NHSL2: variants seen among roughly 807,000 people sequenced by gnomAD.
NHSL2 encodes the protein NHS-like protein 2.
In NHSL2, 27 loss-of-function variants were observed where a neutral mutation model predicts 53.4. The ratio of observed to expected loss-of-function variants is 0.51; its 90% CI spans 0.37 to 0.70. NHSL2 has a LOEUF of 0.70. NHSL2 is among the 30% of genes least tolerant of loss of function. The pLI, the probability that NHSL2 is intolerant of heterozygous loss-of-function variation, is 0.00. For missense variants in NHSL2, 892 were observed against 980.1 expected (o/e 0.91, Z 1.20); for synonymous variants, 408 against 404.1 (o/e 1.01, Z -0.12).
chrX:72,001,400 T>G (rs930588854), intron 1 of NHSL2, among the ~76,000 whole-genome samples: 1 of 111,424 alleles, frequency 9.0e-6, no homozygotes, highest in African/African-American at 3.3e-5. Flanking sequence ...TCTCATAGAC[T>G]TTTACATTGC....
At chrX:71,947,716 G>C (rs6625921) in intron 1 of NHSL2, among the ~76,000 whole-genome samples, 4,661 of 112,164 alleles carry the variant, frequency 0.042, 164 homozygotes, top group East Asian at 0.28. Flanking sequence ...TGAGGATATG[G>C]AACACACTGT....
In NHSL2 at chrX:72,012,580, G is replaced by A. The variant is rs186897998; in HGVS notation, c.280+101213G>A. 1.3e-4 allele frequency among the ~76,000 whole-genome samples: 15 copies of A among 112,472 alleles called. No homozygotes were observed. The East Asian group carries it at 3.1e-3, about 23-fold the overall frequency. Reference sequence around the variant, plus strand: ...CTGTGTGTCCGTCTTATAAGGATACGTGTCATTAGATTTAGGACTCACTTG... The same window carrying A: ...CTGTGTGTCCGTCTTATAAGGATACATGTCATTAGATTTAGGACTCACTTG... On this transcript the variant is annotated intron_variant, in intron 1 of 7. Coordinates refer to ENST00000633930, the MANE Select transcript of NHSL2 (RefSeq NM_001013627.3).
At position 72,147,978 on chromosome X, in the gene NHSL2, T is replaced by G. The variant is rs2042476831; in HGVS notation, c.*4404T>G. On this transcript the variant is annotated 3_prime_UTR_variant, in exon 8 of 8. Transcript: ENST00000633930. ...TGGAAAGGCCAAATTCCCTGACGCC[T>G]AACTCCAGAATATAGAAAATATCTT... 8.9e-6 allele frequency: 1 copy of G among 111,963 alleles called. No individual in the cohort carries two copies. 9.2% of individuals were successfully genotyped at this position (111,963 alleles called of 1,213,427 possible).
At chrX:72,104,358 G>A (rs1017003074) in intron 1 of NHSL2, among the ~76,000 whole-genome samples, 1 of 112,397 alleles carries the variant, frequency 8.9e-6, no homozygotes, top group African/African-American at 3.2e-5. Context: ...GTAATCCTAT[G>A]TATTTTATTT....
intron 1 of NHSL2, among the ~76,000 whole-genome samples, chrX:72,055,873 A>G (rs140040867): frequency 0.024 from 2,677 of 112,830 alleles, 89 homozygotes; most frequent in African/African-American, 0.082. Flanking sequence ...TCACCTTTTT[A>G]GTCCTATCAC....
Position 72,140,151 on chromosome X carries a change from A to T in NHSL2, c.2603A>T (p.Lys868Ile). The T allele has an allele frequency of 8.3e-7, 1 of 1,210,790 alleles. No homozygotes were observed. Among genetic ancestry groups the T allele is most frequent in the Non-Finnish European group, 1.1e-6 (1 of 895,078 alleles). Residue 868 changes from lysine to isoleucine, a missense_variant, in exon 6 of 8, where the codon AAA becomes ATA. Coordinates refer to ENST00000633930, the MANE Select transcript of NHSL2 (RefSeq NM_001013627.3). ...TTCACCTTGCCAGAGAGAAAGACAA[A>T]ACCTCCCGTAGCTGAGAAGCCTCCG... is the stretch of plus-strand genomic sequence containing the variant. ...EVFTLPERKT[K>I]PPVAEKPPVA...
intron 1 of NHSL2, among the ~76,000 whole-genome samples, chrX:72,084,988 AGTGAT>A (rs759157118): frequency 1.7e-4 from 19 of 112,344 alleles, no homozygotes; most frequent in African/African-American, 5.5e-4. Flanking sequence ...CAGTGCAGTA[AGTGAT>A]GTGATGTGTA....
At chrX:71,959,763 G>T (rs2041859355) in intron 1 of NHSL2, among the ~76,000 whole-genome samples, 1 of 111,797 alleles carries the variant, frequency 8.9e-6, no homozygotes, top group South Asian at 3.7e-4. Flanking sequence ...TTAACATACG[G>T]TTTTTTGAGA....
chrX:72,135,723 T>A (rs769346033), intron 4 of NHSL2, among the ~76,000 whole-genome samples: 1 of 112,168 alleles, frequency 8.9e-6, no homozygotes, highest in African/African-American at 3.2e-5. Context: ...AGAAGTGATG[T>A]TGAACATTTT....
At chrX:72,108,435 T>C (rs2042063654) in intron 1 of NHSL2, among the ~76,000 whole-genome samples, 1 of 112,686 alleles carries the variant, frequency 8.9e-6, no homozygotes, top group Non-Finnish European at 1.9e-5. Flanking sequence ...TACGTCATTT[T>C]ACAGATGAGG....
chrX:72,031,737 A>G (rs80134541), intron 1 of NHSL2, among the ~76,000 whole-genome samples: 1 of 96,367 alleles, frequency 1.0e-5, no homozygotes, highest in South Asian at 4.6e-4. Context: ...CCTCGCTTGG[A>G]AAAAAAAAAA....
At chrX:72,105,924 A>G (rs1186587798) in intron 1 of NHSL2, among the ~76,000 whole-genome samples, 1 of 112,436 alleles carries the variant, frequency 8.9e-6, no homozygotes, top group Admixed American at 9.4e-5. Flanking sequence ...ACTTGAATCC[A>G]TGAGGCCGGG....
intron 1 of NHSL2, among the ~76,000 whole-genome samples, chrX:71,917,382 T>G (rs2041634008): frequency 9.2e-6 from 1 of 108,885 alleles, no homozygotes; most frequent in Non-Finnish European, 1.9e-5. Context: ...TCTTTATCTG[T>G]TTTCACTGTT....
intron 1 of NHSL2, among the ~76,000 whole-genome samples, chrX:71,954,424 G>A (rs1681670442): frequency 1.8e-5 from 2 of 112,347 alleles, no homozygotes; most frequent in African/African-American, 3.2e-5. Flanking sequence ...GTGCTGCTGC[G>A]CTGCTGTTTG....
intron 1 of NHSL2, among the ~76,000 whole-genome samples, chrX:71,960,921 T>C (rs1487518267): frequency 8.9e-6 from 1 of 112,194 alleles, no homozygotes; most frequent in Admixed American, 9.5e-5. Context: ...AAAAGGGATA[T>C]TGGGATTTTA....
intron 1 of NHSL2, among the ~76,000 whole-genome samples, chrX:72,073,301 G>A (rs1401325603): frequency 2.7e-5 from 3 of 110,853 alleles, no homozygotes; most frequent in Non-Finnish European, 5.7e-5. Flanking sequence ...GCACGTGGAA[G>A]CCCAACAGGA....
In NHSL2 at chrX:72,143,807, C is replaced by T. The variant is rs889630315; in HGVS notation, c.*233C>T. The stretch of plus-strand genomic sequence containing the variant: ...CTTATAAGCTTGTCATGACTGACTA[C>T]CGAGTTTCTTCTTATTTTCCCCCAG... On this transcript the variant is annotated 3_prime_UTR_variant, in exon 8 of 8. Coordinates refer to ENST00000633930, the MANE Select transcript of NHSL2 (RefSeq NM_001013627.3). The T allele has an allele frequency of 1.1e-5, 3 of 281,623 alleles. No homozygotes were observed. The highest frequency in any genetic ancestry group is 1.9e-5 in the Non-Finnish European group (3 of 161,200). The allele number at this position is 281,623 out of a possible 1,213,427, so 23.2% of individuals were successfully genotyped here.
intron 1 of NHSL2, among the ~76,000 whole-genome samples, chrX:72,105,997 C>T (rs191529224): frequency 9.0e-6 from 1 of 111,126 alleles, no homozygotes; most frequent in Admixed American, 9.6e-5. Context: ...ATCATGAGGT[C>T]AGGAGATCGA....
intron 1 of NHSL2, among the ~76,000 whole-genome samples, chrX:72,051,738 A>C (rs1463392234): frequency 9.0e-6 from 1 of 111,325 alleles, no homozygotes; most frequent in Non-Finnish European, 1.9e-5. Context: ...CTCAGCACAC[A>C]CTCAGGAAGT....
Sources: gnomAD v4.1 joint callset for allele counts (sites outside exome capture counted in the v4.1 genomes callset) on GRCh38, gnomAD v4.1.1 for gene constraint, MANE v1.5 for transcripts, NCBI Gene and HGNC (gene_info 2026-07-23, HGNC 2026-07-21) for gene names.